Variants in NTM observed in about 807,000 individuals in gnomAD.
The protein encoded by NTM is IgLON family member 2.
Under a neutral mutation model 42.1 loss-of-function variants are expected in NTM, and 13 were observed. The ratio of observed to expected loss-of-function variants is 0.31; its 90% CI spans 0.20 to 0.49. The LOEUF is 0.49. Ranked by LOEUF, NTM falls within the 20% of genes least tolerant of loss-of-function variation. The probability of loss-of-function intolerance (pLI) is 0.99; values close to 1 mark genes in which losing one functional copy is unlikely to be tolerated. For synonymous variants in NTM, 187 were observed against 179.2 expected, an observed-to-expected ratio of 1.04 and a Z score of -0.35; for missense variants, 373 against 452.8, an observed-to-expected ratio of 0.82 and a Z score of 1.60.
intron 1 of NTM, among the ~76,000 whole-genome samples, chr11:131,602,637 A>G (rs2060589017): frequency 6.6e-6 from 1 of 152,082 alleles, no homozygotes; most frequent in Non-Finnish European, 1.5e-5. Flanking sequence ...TCTCAAATTT[A>G]TATCTTCAGC....
At chr11:131,392,098 T>C (rs1944078830) in intron 1 of NTM, among the ~76,000 whole-genome samples, 1 of 152,226 alleles carries the variant, frequency 6.6e-6, no homozygotes, top group African/African-American at 2.4e-5. Context: ...AGTAGAGGCC[T>C]TTGTAGTTTG....
intron 1 of NTM, among the ~76,000 whole-genome samples, chr11:131,526,278 C>CA (rs1427513918): frequency 6.6e-6 from 1 of 152,204 alleles, no homozygotes; most frequent in Non-Finnish European, 1.5e-5. Context: ...TAAATTGAGG[C>CA]ACAGGTTAAG....
chr11:131,718,534 C>A (rs971754389), intron 1 of NTM, among the ~76,000 whole-genome samples: 1 of 152,176 alleles, frequency 6.6e-6, no homozygotes, highest in Non-Finnish European at 1.5e-5. Context: ...CTGGTAGGAA[C>A]AGGCAAGCAT....
Position 131,996,716 on chromosome 11 carries a change from G to A in NTM, c.167+85068G>A, listed in dbSNP as rs1175496669. On this transcript the variant is annotated intron_variant, in intron 2 of 8. Transcript: ENST00000683400. ...ACTTGCTTTACCCGCCACTCTTCAA[G>A]GTTCCTGGAAGCATGAGTGATTAAG... Among the ~76,000 whole-genome samples the A allele has an allele frequency of 2.6e-5, 4 of 152,122 alleles. 1 individual carries two copies. The highest frequency in any genetic ancestry group is 9.7e-5 in the African/African-American group (4 of 41,428).
intron 8 of NTM, among the ~76,000 whole-genome samples, chr11:132,334,435 C>A (rs991782410): frequency 6.6e-6 from 1 of 152,222 alleles, no homozygotes; most frequent in Non-Finnish European, 1.5e-5. Context: ...GATCCTTGAG[C>A]TGCATCTGCT....
chr11:131,872,975 T>G (rs142631576), intron 1 of NTM, among the ~76,000 whole-genome samples: 4 of 152,270 alleles, frequency 2.6e-5, no homozygotes, highest in Non-Finnish European at 5.9e-5. Flanking sequence ...TGTAAAAACG[T>G]TCCTATTTCT....
chr11:132,048,754 GACA>G (rs1216106665), intron 2 of NTM, among the ~76,000 whole-genome samples: 1 of 151,010 alleles, frequency 6.6e-6, no homozygotes, highest in Non-Finnish European at 1.5e-5. Flanking sequence ...CAGCAATATC[GACA>G]ACAAGAACAC....
intron 1 of NTM, among the ~76,000 whole-genome samples, chr11:131,477,249 GA>G (rs956305008): frequency 1.3e-4 from 19 of 151,710 alleles, no homozygotes; most frequent in Admixed American, 8.5e-4. Context: ...TCTCAGAGAT[GA>G]AAAAAAACAG....
intron 3 of NTM, among the ~76,000 whole-genome samples, chr11:132,163,636 CT>C (rs2074775828): frequency 6.6e-6 from 1 of 152,158 alleles, no homozygotes; most frequent in African/African-American, 2.4e-5. Context: ...TCTTCACAGC[CT>C]CCCTCAAACA....
At position 131,840,740 on chromosome 11, in the gene NTM, C is replaced by T. The variant is rs565815561; in HGVS notation, c.83-70824C>T. Reference sequence around the variant, plus strand: ...AAGAGGATGTGAAACTGAACAAAGCCGTGTCTTCCATCCTACATTAGAGGG... The same window carrying T: ...AAGAGGATGTGAAACTGAACAAAGCTGTGTCTTCCATCCTACATTAGAGGG... On this transcript the variant is annotated intron_variant, in intron 1 of 8. Transcript: ENST00000683400. Among the ~76,000 whole-genome samples, 154 of 152,280 alleles carry T rather than the reference C, an allele frequency of 1.0e-3. 1 individual carries two copies. Among genetic ancestry groups the T allele is most frequent in the African/African-American group, 3.6e-3 (150 of 41,538 alleles).
intron 1 of NTM, among the ~76,000 whole-genome samples, chr11:131,461,944 A>T (rs2136115097): frequency 6.6e-6 from 1 of 152,350 alleles, no homozygotes; most frequent in Admixed American, 6.5e-5. Context: ...ACAAAAACAT[A>T]GGTTTATGCA....
chr11:132,121,638 C>A (rs11222946), intron 2 of NTM, among the ~76,000 whole-genome samples: 2,631 of 152,236 alleles, frequency 0.017, 50 homozygotes, highest in South Asian at 0.1. Context: ...ACCTTTAATT[C>A]TCATTTTATT....
chr11:132,087,661 G>A (rs989093281), intron 2 of NTM, among the ~76,000 whole-genome samples: 2 of 152,086 alleles, frequency 1.3e-5, no homozygotes, highest in African/African-American at 4.8e-5. Flanking sequence ...TGTGGTCCTG[G>A]TCTAATAAGA....
intron 1 of NTM, among the ~76,000 whole-genome samples, chr11:131,382,205 G>A (rs1171978577): frequency 6.6e-6 from 1 of 152,080 alleles, no homozygotes; most frequent in Non-Finnish European, 1.5e-5. Flanking sequence ...TACTTGGATG[G>A]CCTGTGCTTT....
chr11:132,161,185 G>C lies in NTM; in HGVS notation c.400+14671G>C, dbSNP rs555918940. On this transcript the variant is annotated intron_variant, in intron 3 of 8. Transcript: ENST00000683400. ...TTGAGCTCCTGGTTTCATACTATTT[G>C]TGCTCCTCCAGTGAGGCTTCATTTG... 2.0e-5 allele frequency among the ~76,000 whole-genome samples: 3 copies of C among 152,126 alleles called. No individual in the cohort carries two copies. In the South Asian group the frequency reaches 6.2e-4, roughly 32 times the overall value.
Position 131,800,273 on chromosome 11 carries a change from G to A in NTM, c.83-111291G>A, listed in dbSNP as rs539295367. ...TCTGGTAGAATTTACCTAAACAAGT[G>A]GAGTTTCCCATTTTACTGAAAACAA... On this transcript the variant is annotated intron_variant, in intron 1 of 8. Coordinates refer to ENST00000683400, the MANE Select transcript of NTM (RefSeq NM_001352005.2). Among the ~76,000 whole-genome samples the A allele has an allele frequency of 3.3e-5, 5 of 152,330 alleles. No homozygotes were observed. The East Asian group carries it at 7.7e-4, about 24-fold the overall frequency.
At chr11:132,078,786 A>G (rs1051085167) in intron 2 of NTM, among the ~76,000 whole-genome samples, 7 of 152,138 alleles carry the variant, frequency 4.6e-5, no homozygotes, top group Admixed American at 1.3e-4. Context: ...AACTCATCAA[A>G]ATGTTGTTCT....
intron 2 of NTM, among the ~76,000 whole-genome samples, chr11:132,081,556 C>A (rs1455650153): frequency 6.6e-6 from 1 of 151,978 alleles, no homozygotes; most frequent in African/African-American, 2.4e-5. Flanking sequence ...CACGGTGAAA[C>A]CCCGTCTCTA....
chr11:131,859,511 A>C (rs1282193979), intron 1 of NTM, among the ~76,000 whole-genome samples: 1 of 152,136 alleles, frequency 6.6e-6, no homozygotes, highest in Non-Finnish European at 1.5e-5. Context: ...ATATTTTACA[A>C]GTCTAACAAG....
Sources: gnomAD v4.1 joint callset for allele counts (sites outside exome capture counted in the v4.1 genomes callset) on GRCh38, gnomAD v4.1.1 for gene constraint, MANE v1.5 for transcripts, NCBI Gene and HGNC (gene_info 2026-07-23, HGNC 2026-07-21) for gene names.